The following USH2A variants were observed in gnomAD, a reference collection of about 807,000 sequenced individuals.
The protein encoded by USH2A is Usher syndrome 2A (autosomal recessive, mild).
Under a neutral mutation model 538.9 loss-of-function variants are expected in USH2A, and 443 were observed. That is an observed-to-expected ratio of 0.82 (90% CI 0.76 to 0.89). The LOEUF (loss-of-function observed/expected upper bound fraction) is 0.89, where lower values mean the gene tolerates loss of function less well. Ranked by LOEUF, USH2A falls within the 40% of genes least tolerant of loss-of-function variation. The probability of loss-of-function intolerance (pLI) is 0.00; values close to 1 mark genes in which losing one functional copy is unlikely to be tolerated. For synonymous variants in USH2A, 2,413 were observed against 2,273.5 expected, an observed-to-expected ratio of 1.06 and a Z score of -1.75; for missense variants, 6,633 against 6,324.8, an observed-to-expected ratio of 1.05 and a Z score of -1.65.
Position 215,648,785 on chromosome 1 carries a change from C to T in USH2A, c.14344-19G>A, listed in dbSNP as rs372191053. The T allele has an allele frequency of 1.0e-5, 16 of 1,605,878 alleles. No individual in the cohort carries two copies. In the African/African-American group the frequency reaches 1.3e-4, roughly 13 times the overall value. On this transcript the variant is annotated intron_variant, in intron 65 of 71. Coordinates refer to ENST00000307340, the MANE Select transcript of USH2A (RefSeq NM_206933.4). ...CGGATAGCTGTGGAAGGAAGGAAGG[C>T]TAGATAAAGGCAGTGTCAAACATTA... is the stretch of plus-strand genomic sequence containing the variant.
At chr1:215,732,171 G>A (rs1036558038) in intron 60 of USH2A, among the ~76,000 whole-genome samples, 3 of 152,220 alleles carry the variant, frequency 2.0e-5, no homozygotes, top group Non-Finnish European at 2.9e-5. Context: ...AGATTGCTGA[G>A]AGGACAAATG....
chr1:215,900,273 C>A, intron 39 of USH2A, 56 bp from the exon 40 acceptor site: 1 of 1,595,804 alleles, frequency 6.3e-7, no homozygotes, highest in Non-Finnish European at 8.6e-7. Context: ...GAAATAAAAG[C>A]AAGTAAATTT....
chr1:216,376,178 GCC>G (rs1219006421), intron 3 of USH2A, among the ~76,000 whole-genome samples: 1 of 152,042 alleles, frequency 6.6e-6, no homozygotes, highest in African/African-American at 2.4e-5. Context: ...TGACATGTTT[GCC>G]TGAAGCAAGG....
intron 49 of USH2A, among the ~76,000 whole-genome samples, chr1:215,813,048 T>A (rs1014570925): frequency 3.9e-5 from 6 of 152,198 alleles, no homozygotes; most frequent in Non-Finnish European, 8.8e-5. Flanking sequence ...CTATAAGGTA[T>A]CCCATGTAAA....
At chr1:215,750,836 A>G (rs1440317018) in intron 58 of USH2A, among the ~76,000 whole-genome samples, 1 of 152,184 alleles carries the variant, frequency 6.6e-6, no homozygotes, top group Non-Finnish European at 1.5e-5. Context: ...GAGCAAAACA[A>G]TAGGACATAC....
At chr1:216,408,463 T>C (rs2039431879) in intron 3 of USH2A, among the ~76,000 whole-genome samples, 1 of 152,134 alleles carries the variant, frequency 6.6e-6, no homozygotes, top group Non-Finnish European at 1.5e-5. Flanking sequence ...TATACATACA[T>C]ACCCAAGATA....
chr1:216,422,045 T>C lies in USH2A; in HGVS notation c.292A>G (p.Thr98Ala), dbSNP rs2039686492. Residue 98 changes from threonine (T) to alanine (A), a missense_variant, in exon 2 of 72, where the codon ACT (threonine) becomes GCT (alanine). Coordinates refer to ENST00000307340, the MANE Select transcript of USH2A (RefSeq NM_206933.4). The stretch of plus-strand genomic sequence containing the variant: ...CTGAGGCCTGCTGAGAAAAGGGCAG[T>C]GTAGGTAGGGTGTGAAGATCTGTAT... Reference protein sequence around the residue: ...CPYRSSHPTYTALFSAGLSSC... With the variant: ...CPYRSSHPTYAALFSAGLSSC... 6.2e-7 allele frequency: 1 copy of C among 1,613,636 alleles called. No homozygotes were observed. Among genetic ancestry groups the C allele is most frequent in the Non-Finnish European group, 8.5e-7 (1 of 1,179,902 alleles).
At chr1:216,228,767 C>T (rs184509274) in intron 14 of USH2A, among the ~76,000 whole-genome samples, 1 of 152,266 alleles carries the variant, frequency 6.6e-6, no homozygotes, top group East Asian at 1.9e-4. Context: ...AAAGTGCGAC[C>T]ATTTCCAAGG....
chr1:216,215,265 T>C lies in USH2A; in HGVS notation c.3157+2122A>G, dbSNP rs150200307. 2.9e-3 allele frequency among the ~76,000 whole-genome samples: 439 copies of C among 152,240 alleles called. 3 individuals carry two copies. Among genetic ancestry groups the C allele is most frequent in the African/African-American group, 1.0e-2 (415 of 41,566 alleles). On this transcript the variant is annotated intron_variant, in intron 15 of 71. Transcript: ENST00000307340. ...AAACTGTGTAGGGGGTGGGGTACCA[T>C]GAGAAATTTTAATTTTAAATGAAAA...
intron 36 of USH2A, among the ~76,000 whole-genome samples, chr1:215,969,096 C>T (rs919789273): frequency 1.3e-5 from 2 of 152,136 alleles, no homozygotes; most frequent in Non-Finnish European, 2.9e-5. Context: ...AGTTGAAGAC[C>T]ATGGGCTTTA....
At chr1:216,017,882 G>A (rs953353791) in intron 32 of USH2A, among the ~76,000 whole-genome samples, 2 of 152,124 alleles carry the variant, frequency 1.3e-5, no homozygotes, top group East Asian at 1.9e-4. Flanking sequence ...CCTATACTAC[G>A]CCTTATATAG....
Position 216,259,727 on chromosome 1 carries a change from T to G in USH2A, c.1972-8629A>C, listed in dbSNP as rs574289701. ...AAGACTGCCCATTGTCAGAAAAATA[T>G]GCATCTGAATACATTTACTAAAATA... On this transcript the variant is annotated intron_variant, in intron 11 of 71. Coordinates refer to ENST00000307340, the MANE Select transcript of USH2A (RefSeq NM_206933.4). 3.1e-4 allele frequency among the ~76,000 whole-genome samples: 47 copies of G among 152,240 alleles called. No homozygotes were observed. In the South Asian group the frequency reaches 9.7e-3, roughly 32 times the overall value.
intron 1 of USH2A, among the ~76,000 whole-genome samples, chr1:216,422,833 A>T (rs1262454153): frequency 1.3e-5 from 2 of 151,142 alleles, no homozygotes; most frequent in Admixed American, 6.6e-5. Flanking sequence ...ATAATTATTA[A>T]TAATATATTA....
chr1:216,223,078 G>A (rs1182081674), intron 14 of USH2A, among the ~76,000 whole-genome samples: 2 of 151,338 alleles, frequency 1.3e-5, no homozygotes, highest in South Asian at 2.1e-4. Context: ...AGAAACACAG[G>A]CCTGATTTTA....
At chr1:216,187,398 T>C (rs1437603583) in intron 20 of USH2A, among the ~76,000 whole-genome samples, 4 of 152,046 alleles carry the variant, frequency 2.6e-5, no homozygotes, top group South Asian at 4.1e-4. Flanking sequence ...TAATAATACA[T>C]TTATGGCACA....
chr1:215,638,701 G>T (rs538540597), intron 69 of USH2A, among the ~76,000 whole-genome samples: 2 of 150,758 alleles, frequency 1.3e-5, no homozygotes, highest in Non-Finnish European at 3.0e-5. Context: ...ATTTCTGGCT[G>T]GGCACAGTGG....
chr1:215,923,941 G>C (rs1213270305), intron 38 of USH2A, among the ~76,000 whole-genome samples: 2 of 151,458 alleles, frequency 1.3e-5, no homozygotes, highest in Non-Finnish European at 2.9e-5. Flanking sequence ...TGCCCAGACT[G>C]GTCTCAAACT....
chr1:215,761,844 T>C (rs767637925), intron 56 of USH2A, among the ~76,000 whole-genome samples: 4 of 152,198 alleles, frequency 2.6e-5, no homozygotes, highest in Non-Finnish European at 5.9e-5. Flanking sequence ...GATTAGACAC[T>C]GTAAATCTCT....
chr1:215,829,167 A>G (rs1457079983), intron 47 of USH2A, among the ~76,000 whole-genome samples: 1 of 152,208 alleles, frequency 6.6e-6, no homozygotes, highest in African/African-American at 2.4e-5. Flanking sequence ...GGAAAATGCA[A>G]TGTAGAAACA....
Sources: gnomAD v4.1 joint callset for allele counts (sites outside exome capture counted in the v4.1 genomes callset) on GRCh38, gnomAD v4.1.1 for gene constraint, MANE v1.5 for transcripts, NCBI Gene and HGNC (gene_info 2026-07-23, HGNC 2026-07-21) for gene names.